Variants in TENM3 observed in about 807,000 individuals in gnomAD.
TENM3 encodes the protein teneurin-3.
Under a neutral mutation model 255.1 loss-of-function variants are expected in TENM3, and 63 were observed. The observed-to-expected ratio is 0.25, with a 90% CI of 0.20 to 0.30. The LOEUF is 0.30. Ranked by LOEUF, TENM3 falls within the 10% of genes least tolerant of loss-of-function variation. The pLI is 1.00. For missense variants in TENM3, 2,929 were observed against 3,461.1 expected (o/e 0.85, Z 3.86); for synonymous variants, 1,306 against 1,322.3 (o/e 0.99, Z 0.27).
chr4:181,954,480 G>A, the TENM3 span, among the ~76,000 whole-genome samples: 1 of 152,192 alleles, frequency 6.6e-6, no homozygotes, highest in Non-Finnish European at 1.5e-5. Flanking sequence ...AGTGTGCAGA[G>A]ATAAATCATT....
the TENM3 span, among the ~76,000 whole-genome samples, chr4:181,787,025 C>CT: frequency 1.3e-5 from 2 of 152,222 alleles, no homozygotes; most frequent in Non-Finnish European, 2.9e-5. Flanking sequence ...CTCATGTCCC[C>CT]TTTGTAAACT....
chr4:182,086,576 G>A, the TENM3 span, among the ~76,000 whole-genome samples: 1 of 152,070 alleles, frequency 6.6e-6, no homozygotes, highest in Non-Finnish European at 1.5e-5. Flanking sequence ...TCATTTTATG[G>A]GCTTTTTGTA....
chr4:182,294,642 A>G (rs1245812313), intron 1 of TENM3, among the ~76,000 whole-genome samples: 1 of 152,192 alleles, frequency 6.6e-6, no homozygotes, highest in Admixed American at 6.5e-5. Flanking sequence ...GTACATTCCA[A>G]CAAGATCCAG....
In TENM3 at chr4:182,397,890, G is replaced by A. The variant is rs543171090; in HGVS notation, c.511+50961G>A. Among the ~76,000 whole-genome samples the A allele has an allele frequency of 7.9e-5, 12 of 152,224 alleles. No individual in the cohort carries two copies. The East Asian group carries it at 1.7e-3, about 22-fold the overall frequency. ...AATGACTGCGCTCTACTTCTGTGCC[G>A]TGGTCAATAACGATCAAGTGGCACC... On this transcript the variant is annotated intron_variant, in intron 3 of 27. Transcript: ENST00000511685.
At chr4:182,047,953 G>A in the TENM3 span, among the ~76,000 whole-genome samples, 1 of 152,060 alleles carries the variant, frequency 6.6e-6, no homozygotes, top group Non-Finnish European at 1.5e-5. Flanking sequence ...GATCCATGCA[G>A]CCCAGTCGAT....
chr4:181,598,362 A>G, the TENM3 span, among the ~76,000 whole-genome samples: 7 of 152,142 alleles, frequency 4.6e-5, no homozygotes, highest in East Asian at 1.9e-4. Context: ...TAAAATCTCT[A>G]TCCTTCCCAC....
At chr4:181,916,690 A>G in the TENM3 span, among the ~76,000 whole-genome samples, 8 of 152,156 alleles carry the variant, frequency 5.3e-5, no homozygotes, top group Non-Finnish European at 7.3e-5. Flanking sequence ...CACCCTGGCC[A>G]ACATGGTGAA....
intron 1 of TENM3, among the ~76,000 whole-genome samples, chr4:182,309,881 T>G (rs1762341180): frequency 6.6e-6 from 1 of 152,212 alleles, no homozygotes; most frequent in Non-Finnish European, 1.5e-5. Context: ...CTGCCCTTTA[T>G]CAAGTACTCA....
intron 3 of TENM3, among the ~76,000 whole-genome samples, chr4:182,589,763 A>G (rs1320409440): frequency 2.0e-5 from 3 of 151,990 alleles, no homozygotes; most frequent in South Asian, 2.1e-4. Context: ...ACTTGAGGTC[A>G]GGAATTTGAG....
the TENM3 span, among the ~76,000 whole-genome samples, chr4:182,130,170 T>A: frequency 1.3e-5 from 2 of 152,158 alleles, no homozygotes; most frequent in Non-Finnish European, 2.9e-5. Flanking sequence ...TTAATTTAAA[T>A]CTAGATTTTT....
intron 3 of TENM3, among the ~76,000 whole-genome samples, chr4:182,453,919 C>A (rs1189525239): frequency 6.6e-6 from 1 of 152,124 alleles, no homozygotes. Context: ...TTACCTTCTG[C>A]TTCAAAGTTG....
In TENM3 at chr4:182,262,851, C is replaced by T. The variant is rs199502296; in HGVS notation, c.-76+19375C>T. Among the ~76,000 whole-genome samples, 24 of 151,720 alleles carry T rather than the reference C, an allele frequency of 1.6e-4. No homozygotes were observed. The East Asian group carries it at 4.1e-3, about 26-fold the overall frequency. ...GCTTCAGCCTCCCGAGCAGCTGGGA[C>T]TACAGGCACCCACCACCACGCCCGG... is the stretch of plus-strand genomic sequence containing the variant. On this transcript the variant is annotated intron_variant, in intron 1 of 27. Coordinates refer to ENST00000511685, the MANE Select transcript of TENM3 (RefSeq NM_001080477.4).
At chr4:181,626,546 T>C in the TENM3 span, among the ~76,000 whole-genome samples, 2 of 152,114 alleles carry the variant, frequency 1.3e-5, no homozygotes, top group South Asian at 2.1e-4. Context: ...GCATGTTACA[T>C]TGTGAGAGCA....
chr4:182,484,927 T>C (rs1482681167), intron 3 of TENM3, among the ~76,000 whole-genome samples: 1 of 152,212 alleles, frequency 6.6e-6, no homozygotes, highest in Non-Finnish European at 1.5e-5. Context: ...TGGCCACAGA[T>C]ACTCCGTGTT....
intron 3 of TENM3, among the ~76,000 whole-genome samples, chr4:182,498,819 C>T (rs1469478572): frequency 1.3e-5 from 2 of 151,630 alleles, no homozygotes; most frequent in Non-Finnish European, 2.9e-5. Context: ...TGTGCCATTG[C>T]ACTCCATCTT....
At chr4:182,416,135 T>C (rs1770343442) in intron 3 of TENM3, among the ~76,000 whole-genome samples, 1 of 152,342 alleles carries the variant, frequency 6.6e-6, no homozygotes, top group South Asian at 2.1e-4. Flanking sequence ...TGGGTAGTCT[T>C]AATTCACACA....
chr4:182,611,521 C>T (rs1274145224), intron 4 of TENM3, among the ~76,000 whole-genome samples: 2 of 152,048 alleles, frequency 1.3e-5, no homozygotes, highest in Non-Finnish European at 2.9e-5. Context: ...GATGTCTACT[C>T]TGATCATCTG....
At chr4:181,835,994 GT>G in the TENM3 span, among the ~76,000 whole-genome samples, 1 of 152,026 alleles carries the variant, frequency 6.6e-6, no homozygotes, top group Non-Finnish European at 1.5e-5. Flanking sequence ...ATTCTGTACA[GT>G]TTTTGACAGT....
the TENM3 span, among the ~76,000 whole-genome samples, chr4:181,753,611 T>G: frequency 6.6e-6 from 1 of 152,234 alleles, no homozygotes; most frequent in African/African-American, 2.4e-5. Context: ...TGAGCCATTT[T>G]TCTCAATTTT....
Sources: gnomAD v4.1 joint callset for allele counts (sites outside exome capture counted in the v4.1 genomes callset) on GRCh38, gnomAD v4.1.1 for gene constraint, MANE v1.5 for transcripts, NCBI Gene and HGNC (gene_info 2026-07-23, HGNC 2026-07-21) for gene names.